The following TEKTIP1 variants were observed in gnomAD, a reference collection of about 807,000 sequenced individuals.
The protein encoded by TEKTIP1 is tektin bundle-interacting protein 1.
At chr19:3,542,976 A>G in the TEKTIP1 span, 1 of 1,562,028 alleles carries the variant, frequency 6.4e-7, no homozygotes, top group Non-Finnish European at 8.7e-7. Context: ...AGGCAAGAAA[A>G]GCTGAGAACA....
chr19:3,540,924 A>G, the TEKTIP1 span, among the ~76,000 whole-genome samples: 3 of 147,092 alleles, frequency 2.0e-5, no homozygotes, highest in African/African-American at 7.3e-5. Context: ...TAATCCCCAC[A>G]TTTTGGGAGG....
the TEKTIP1 span, chr19:3,543,302 T>C: frequency 6.5e-7 from 1 of 1,549,016 alleles, no homozygotes; most frequent in Non-Finnish European, 8.7e-7. Context: ...ACGCTGGAAG[T>C]ACACGCCCAT....
the TEKTIP1 span, chr19:3,542,912 CTG>C: frequency 1.5e-5 from 21 of 1,433,550 alleles, no homozygotes; most frequent in Non-Finnish European, 1.9e-5. Context: ...TGGACAAGGA[CTG>C]TAGGAATCCA....
the TEKTIP1 span, chr19:3,543,385 C>T: frequency 6.5e-7 from 1 of 1,549,338 alleles, no homozygotes; most frequent in South Asian, 1.2e-5. Flanking sequence ...CCTGGTACAA[C>T]CTGCCACGGG....
the TEKTIP1 span, among the ~76,000 whole-genome samples, chr19:3,540,353 G>A: frequency 6.6e-6 from 1 of 151,670 alleles, no homozygotes; most frequent in South Asian, 2.1e-4. Flanking sequence ...CAACTCCCTG[G>A]TTCGAGCGAT....
chr19:3,543,328 C>T, the TEKTIP1 span: 423 of 1,549,394 alleles, frequency 2.7e-4, 2 homozygotes, highest in South Asian at 4.6e-3. Flanking sequence ...GGGACGCAGC[C>T]GGCCAGCTGT....
the TEKTIP1 span, chr19:3,543,422 T>G: frequency 5.8e-6 from 9 of 1,545,238 alleles, no homozygotes. Flanking sequence ...CCGCGAGGCC[T>G]ACAACCGCTG....
chr19:3,539,556 C>G, the TEKTIP1 span: 1 of 445,416 alleles, frequency 2.2e-6, no homozygotes, highest in African/African-American at 2.0e-5. Context: ...GAAATCCAGG[C>G]CTGTGCGGGG....
the TEKTIP1 span, among the ~76,000 whole-genome samples, chr19:3,540,501 C>T: frequency 2.0e-5 from 3 of 151,540 alleles, no homozygotes; most frequent in Non-Finnish European, 4.4e-5. Flanking sequence ...CATGATCTGC[C>T]CTCCTTGGCC....
chr19:3,543,869 G>C, the TEKTIP1 span: 1 of 1,549,544 alleles, frequency 6.5e-7, no homozygotes, highest in African/African-American at 1.4e-5. Context: ...CACTGTGGAG[G>C]GCATCAGACT....
At chr19:3,542,887 G>C in the TEKTIP1 span, 1 of 1,405,140 alleles carries the variant, frequency 7.1e-7, no homozygotes, top group East Asian at 4.0e-5. Context: ...GAAGGGACTT[G>C]TGGGTCTTGG....
At chr19:3,542,626 GC>G in the TEKTIP1 span, 5 of 976,890 alleles carry the variant, frequency 5.1e-6, no homozygotes, top group Non-Finnish European at 6.7e-6. Context: ...GGTGCCCCCC[GC>G]CCCCACACCA....
At chr19:3,541,616 C>T in the TEKTIP1 span, 229 of 984,136 alleles carry the variant, frequency 2.3e-4, 1 homozygote, top group South Asian at 9.4e-3. Context: ...CCACCGCACC[C>T]AGTGCAAGAC....
At chr19:3,543,933 C>A in the TEKTIP1 span, 2 of 1,551,102 alleles carry the variant, frequency 1.3e-6, no homozygotes, top group African/African-American at 1.4e-5. Flanking sequence ...CCAGAACTAC[C>A]GGGAGTGGGT....
chr19:3,543,311 A>C, the TEKTIP1 span: 2 of 1,549,278 alleles, frequency 1.3e-6, no homozygotes, highest in Non-Finnish European at 1.7e-6. Context: ...GTACACGCCC[A>C]TGGGACGGGA....
At chr19:3,543,855 G>T in the TEKTIP1 span, 1 of 1,546,562 alleles carries the variant, frequency 6.5e-7, no homozygotes. Context: ...GTACGGGGTG[G>T]AGCCACTGTG....
At chr19:3,541,700 G>T in the TEKTIP1 span, 470 of 985,254 alleles carry the variant, frequency 4.8e-4, 1 homozygote, top group African/African-American at 7.6e-3. Context: ...GGGGGTGAGT[G>T]CATGTACCAC....
At chr19:3,541,831 CAG>C in the TEKTIP1 span, 169 of 977,244 alleles carry the variant, frequency 1.7e-4, no homozygotes, top group South Asian at 4.0e-3. Context: ...TGTGTTGAGA[CAG>C]AGTCTCGCTC....
At chr19:3,542,410 C>G in the TEKTIP1 span, 21 of 985,304 alleles carry the variant, frequency 2.1e-5, no homozygotes, top group Non-Finnish European at 2.2e-5. Context: ...ACCTTGTTTT[C>G]TGGGATGACT....
Sources: allele counts gnomAD v4.1 joint callset (sites outside exome capture counted in the v4.1 genomes callset), GRCh38; gene constraint gnomAD v4.1.1; transcripts MANE v1.5; gene names NCBI Gene and HGNC (gene_info 2026-07-23, HGNC 2026-07-21).